Variants in CCM2 observed in about 807,000 individuals in gnomAD.
CCM2 encodes cerebral cavernous malformations 2 protein.
A neutral mutation model predicts 44.9 loss-of-function variants in CCM2; 25 were observed. That is an observed-to-expected ratio of 0.56 (90% confidence interval 0.41 to 0.78). The LOEUF (loss-of-function observed/expected upper bound fraction) is 0.78, where lower values mean the gene tolerates loss of function less well. CCM2 is among the 30% of genes least tolerant of loss of function. The pLI, the probability that CCM2 is intolerant of heterozygous loss-of-function variation, is 0.00. For synonymous variants in CCM2, 219 were observed against 241.1 expected, an observed-to-expected ratio of 0.91 and a Z score of 0.85; for missense variants, 481 against 580.6, an observed-to-expected ratio of 0.83 and a Z score of 1.76.
intron 2 of CCM2, among the ~76,000 whole-genome samples, chr7:45,046,978 G>A (rs577885785): frequency 1.3e-5 from 2 of 152,206 alleles, no homozygotes; most frequent in African/African-American, 2.4e-5. Context: ...AATATGCTCA[G>A]CATCATTAGC....
intron 1 of CCM2, among the ~76,000 whole-genome samples, chr7:45,035,980 T>G (rs563544957): frequency 1.3e-5 from 2 of 152,236 alleles, no homozygotes; most frequent in Non-Finnish European, 2.9e-5. Context: ...TTGTATTGAT[T>G]GCCTGTGGCA....
At chr7:45,051,737 A>G (rs1798019075) in intron 2 of CCM2, among the ~76,000 whole-genome samples, 1 of 152,024 alleles carries the variant, frequency 6.6e-6, no homozygotes, top group African/African-American at 2.4e-5. Context: ...GTATTTTTGT[A>G]TTTTTAGTAG....
chr7:45,051,726 A>G (rs1444266970), intron 2 of CCM2, among the ~76,000 whole-genome samples: 1 of 152,104 alleles, frequency 6.6e-6, no homozygotes, highest in African/African-American at 2.4e-5. Flanking sequence ...ACACATGGCT[A>G]GTATTTTTGT....
At chr7:45,024,968 T>A (rs1583870699) in intron 1 of CCM2, among the ~76,000 whole-genome samples, 1 of 152,338 alleles carries the variant, frequency 6.6e-6, no homozygotes, top group East Asian at 1.9e-4. Flanking sequence ...CTGCCTGCTC[T>A]TATTCTCCTC....
intron 1 of CCM2, chr7:45,026,993 A>G (rs1382725522): frequency 6.5e-6 from 1 of 155,002 alleles, no homozygotes; most frequent in African/African-American, 2.4e-5. Flanking sequence ...AACAGATCCA[A>G]CTTCTGCTTT....
chr7:45,000,454 C>CGGT (rs1554353522), intron 1 of CCM2, 91 bp downstream of exon 1: 6 of 82,038 alleles, frequency 7.3e-5, no homozygotes, highest in Middle Eastern at 3.2e-3. Flanking sequence ...CCTTGGGGCC[C>CGGT]GGGGGGGGGG....
At chr7:45,000,034 G>A (rs1017569218), upstream of CCM2, among the ~76,000 whole-genome samples, 1 of 151,950 alleles carries the variant, frequency 6.6e-6, no homozygotes, top group Non-Finnish European at 1.5e-5. Flanking sequence ...AACGGGCCGT[G>A]TTCTCCCTGA....
At position 45,075,989 on chromosome 7, in the gene CCM2, C is replaced by T. The variant is rs751785013; in HGVS notation, c.1267C>T (p.Arg423Cys). The T allele has an allele frequency of 3.1e-6, 5 of 1,613,100 alleles. No individual in the cohort carries two copies. The highest frequency in any genetic ancestry group is 2.2e-5 in the East Asian group (1 of 44,882). Reference protein sequence around the residue: ...SAPSEGDEWDRMISDISSDIE... With the variant: ...SAPSEGDEWDCMISDISSDIE... ...ACCCTCAGAGGGGGATGAGTGGGAC[C>T]GCATGATCTCGGACATCAGCAGCGA... Residue 423 changes from arginine (R) to cysteine (C), a missense_variant, in exon 10 of 10, where the codon CGC becomes TGC. Physicochemically the swap from Arg to Cys is radical, Grantham distance 180. Coordinates refer to ENST00000258781, the MANE Select transcript of CCM2 (RefSeq NM_031443.4).
chr7:45,042,020 A>C (rs1173083403), intron 2 of CCM2, among the ~76,000 whole-genome samples: 1 of 152,168 alleles, frequency 6.6e-6, no homozygotes, highest in Non-Finnish European at 1.5e-5. Context: ...CCATGCCTGT[A>C]ATCCCAGTAC....
chr7:45,022,260 T>C (rs1460906137), intron 1 of CCM2, among the ~76,000 whole-genome samples: 1 of 150,618 alleles, frequency 6.6e-6, no homozygotes, highest in Non-Finnish European at 1.5e-5. Flanking sequence ...GTATGTTTCA[T>C]GTGGGGATCA....
chr7:45,069,538 A>G (rs141628796), intron 5 of CCM2, among the ~76,000 whole-genome samples: 77 of 152,336 alleles, frequency 5.1e-4, no homozygotes, highest in African/African-American at 1.8e-3. Context: ...AGGTTAATGG[A>G]AAGAAGACGT....
At chr7:44,999,828 A>G (rs1308793080), upstream of CCM2, 2 of 438,030 alleles carry the variant, frequency 4.6e-6, no homozygotes, top group Non-Finnish European at 9.2e-6. Context: ...GCGCGCGCTG[A>G]GTGGGCGGAG....
intron 1 of CCM2, among the ~76,000 whole-genome samples, chr7:45,016,745 G>A (rs182386390): frequency 1.2e-3 from 176 of 152,098 alleles, no homozygotes; most frequent in African/African-American, 4.0e-3. Context: ...CGATTCTCCT[G>A]CCTCAGCCTC....
At chr7:45,021,204 C>T (rs1327847532) in intron 1 of CCM2, among the ~76,000 whole-genome samples, 1 of 152,060 alleles carries the variant, frequency 6.6e-6, no homozygotes, top group Non-Finnish European at 1.5e-5. Context: ...ATGCAGTGAG[C>T]CATGATTGTG....
In CCM2 at chr7:45,064,651, A is replaced by C; in HGVS notation, c.472+5A>C. 1 of 1,613,784 alleles carries C rather than the reference A, an allele frequency of 6.2e-7. No individual in the cohort carries two copies. The highest frequency in any genetic ancestry group is 1.3e-5 in the African/African-American group (1 of 75,056). On this transcript the variant is annotated splice_donor_5th_base_variant and intron_variant, in intron 4 of 9. Coordinates refer to ENST00000258781, the MANE Select transcript of CCM2 (RefSeq NM_031443.4). ...ACCTGGTGGTCCTGAAGACAGGTAC[A>C]GGAGGTCAGGGGTCAGGAGGGTCCT...
intron 1 of CCM2, among the ~76,000 whole-genome samples, chr7:45,006,260 T>C (rs1022227282): frequency 2.0e-5 from 3 of 152,164 alleles, no homozygotes; most frequent in Non-Finnish European, 4.4e-5. Context: ...GGCCGAATAG[T>C]GTCCCCTCAG....
intron 1 of CCM2, chr7:45,027,885 G>A: frequency 1.4e-6 from 2 of 1,396,184 alleles, no homozygotes; most frequent in Non-Finnish European, 1.0e-6. Context: ...GCTTCCCAGG[G>A]CTTGCCCATT....
At chr7:45,058,583 C>T (rs749382339) in intron 2 of CCM2, among the ~76,000 whole-genome samples, 13 of 147,720 alleles carry the variant, frequency 8.8e-5, no homozygotes, top group Non-Finnish European at 1.5e-4. Flanking sequence ...GTTTTTTTGT[C>T]CTTGCGATAG....
At chr7:45,038,491 C>T in intron 2 of CCM2, 65 bp downstream of exon 2, 1 of 1,537,626 alleles carries the variant, frequency 6.5e-7, no homozygotes, top group Non-Finnish European at 9.0e-7. Context: ...TTGTATCCAC[C>T]AGACACTCTT....
Sources: gnomAD v4.1 joint callset for allele counts (sites outside exome capture counted in the v4.1 genomes callset) on GRCh38, gnomAD v4.1.1 for gene constraint, MANE v1.5 for transcripts, NCBI Gene and HGNC (gene_info 2026-07-23, HGNC 2026-07-21) for gene names.